The following ADGRL3 variants were observed in gnomAD, a reference collection of about 807,000 sequenced individuals.
ADGRL3 encodes adhesion G protein-coupled receptor L3, also known as calcium-independent alpha-latrotoxin receptor 3.
In ADGRL3, 62 loss-of-function variants were observed where a neutral mutation model predicts 153.5. That is an observed-to-expected ratio of 0.40 (90% CI 0.33 to 0.50). The LOEUF (loss-of-function observed/expected upper bound fraction) is 0.50. Ranked by LOEUF, ADGRL3 falls within the 20% of genes least tolerant of loss-of-function variation. The probability of loss-of-function intolerance (pLI) is 0.47; values close to 1 mark genes in which losing one functional copy is unlikely to be tolerated. For synonymous variants in ADGRL3, 710 were observed against 672.5 expected (o/e 1.06, Z -0.86); for missense variants, 1,641 against 1,859.4 (o/e 0.88, Z 2.16).
At chr4:61,453,128 A>G (rs1251383886) in intron 2 of ADGRL3, among the ~76,000 whole-genome samples, 1 of 152,148 alleles carries the variant, frequency 6.6e-6, no homozygotes, top group African/African-American at 2.4e-5. Flanking sequence ...AATGTGAAAC[A>G]TTTTGATTCC....
chr4:61,504,139 T>A (rs1243458510), intron 3 of ADGRL3, among the ~76,000 whole-genome samples: 1 of 152,096 alleles, frequency 6.6e-6, no homozygotes, highest in East Asian at 1.9e-4. Context: ...ACCACAGGCA[T>A]GCGCCACCAC....
At chr4:61,945,780 C>T (rs891832139) in intron 15 of ADGRL3, among the ~76,000 whole-genome samples, 5 of 151,810 alleles carry the variant, frequency 3.3e-5, no homozygotes, top group South Asian at 2.1e-4. Context: ...GGCAATGCCT[C>T]GCCCTGCTTC....
intron 6 of ADGRL3, among the ~76,000 whole-genome samples, chr4:61,694,630 G>C (rs1394118726): frequency 6.6e-6 from 1 of 152,126 alleles, no homozygotes; most frequent in Non-Finnish European, 1.5e-5. Context: ...ACTGATCAGG[G>C]TGGTAGTTGC....
intron 25 of ADGRL3, among the ~76,000 whole-genome samples, chr4:62,060,778 A>G (rs1577720749): frequency 6.6e-6 from 1 of 151,856 alleles, no homozygotes; most frequent in Admixed American, 6.6e-5. Context: ...ATAAAATACC[A>G]TATATTTGAT....
chr4:61,939,996 T>C, intron 15 of ADGRL3, among the ~76,000 whole-genome samples: 1 of 149,290 alleles, frequency 6.7e-6, no homozygotes, highest in South Asian at 2.2e-4. Flanking sequence ...TAGTTACATA[T>C]GTATACATGT....
rs771547597 is a variant in ADGRL3 at position 62,076,021 on chromosome 4, C to A, written c.*5113C>A. 1 of 152,120 alleles carries A rather than the reference C, an allele frequency of 6.6e-6. No homozygotes were observed. Among genetic ancestry groups the A allele is most frequent in the East Asian group, 1.9e-4 (1 of 5,186 alleles). 9.4% of individuals were successfully genotyped at this position (152,120 alleles called of 1,614,324 possible). ...AGGGAAACTTTCACCTGTACACATA[C>A]ACACTCTGATTCCATTTATTTACAG... On this transcript the variant is annotated 3_prime_UTR_variant, in exon 27 of 27. Coordinates refer to ENST00000683033, the MANE Select transcript of ADGRL3 (RefSeq NM_001387552.1).
chr4:61,231,682 C>T lies in ADGRL3; in HGVS notation c.-240+29917C>T, dbSNP rs558811699. On this transcript the variant is annotated intron_variant, in intron 1 of 26. Transcript: ENST00000683033. The stretch of plus-strand genomic sequence containing the variant: ...CAGTGCTTCTCAGGGCTTTTTGTAA[C>T]GGTCTATTTACTTGCTTTATTTCCC... 4.6e-5 allele frequency among the ~76,000 whole-genome samples: 7 copies of T among 152,084 alleles called. No individual in the cohort carries two copies. In the South Asian group the frequency reaches 6.2e-4, roughly 14 times the overall value.
At chr4:61,204,574 C>T (rs1736266504) in intron 1 of ADGRL3, among the ~76,000 whole-genome samples, 1 of 152,086 alleles carries the variant, frequency 6.6e-6, no homozygotes, top group Non-Finnish European at 1.5e-5. Context: ...GTGTATTGTG[C>T]TGTCTTTAGC....
At chr4:61,492,572 T>TA (rs1253030565) in intron 2 of ADGRL3, among the ~76,000 whole-genome samples, 2 of 151,892 alleles carry the variant, frequency 1.3e-5, no homozygotes, top group Admixed American at 6.6e-5. Context: ...AAGAGAATAT[T>TA]AAAAAATAAA....
intron 8 of ADGRL3, among the ~76,000 whole-genome samples, chr4:61,784,727 A>G (rs753538786): frequency 6.6e-6 from 1 of 152,110 alleles, no homozygotes; most frequent in Non-Finnish European, 1.5e-5. Context: ...AAGAATGTCA[A>G]AATGTGAGAG....
intron 19 of ADGRL3, among the ~76,000 whole-genome samples, chr4:61,986,007 A>G (rs1200177377): frequency 2.0e-5 from 3 of 151,126 alleles, no homozygotes; most frequent in Non-Finnish European, 4.4e-5. Context: ...TTTTTTAAAT[A>G]ACATCTTTGA....
At chr4:61,968,254 C>T (rs777461705) in intron 17 of ADGRL3, among the ~76,000 whole-genome samples, 75 of 152,246 alleles carry the variant, frequency 4.9e-4, no homozygotes, top group Admixed American at 1.3e-3. Context: ...TTTTTGAAAG[C>T]AGTCTTAAAT....
chr4:61,410,998 C>G (rs1261893701), intron 2 of ADGRL3, among the ~76,000 whole-genome samples: 5 of 152,096 alleles, frequency 3.3e-5, no homozygotes, highest in Admixed American at 2.0e-4. Context: ...GCTTTACTTA[C>G]AAAACACAAA....
Position 61,294,951 on chromosome 4 carries a change from C to T in ADGRL3, c.-239-88173C>T, listed in dbSNP as rs550051332. On this transcript the variant is annotated intron_variant, in intron 1 of 26. Coordinates refer to ENST00000683033, the MANE Select transcript of ADGRL3 (RefSeq NM_001387552.1). ...CACACACACAGTAGTCCCCATTATT[C>T]GCGGTTTCACTTTCTGAGGTTTCAG... is the stretch of plus-strand genomic sequence containing the variant. 1.2e-3 allele frequency among the ~76,000 whole-genome samples: 188 copies of T among 151,630 alleles called. 1 individual carries two copies. The highest frequency in any genetic ancestry group is 1.7e-3 in the Non-Finnish European group (114 of 67,890).
At chr4:61,936,781 T>TACACACACACACACACACAC (rs71666904) in intron 15 of ADGRL3, among the ~76,000 whole-genome samples, 2,157 of 138,760 alleles carry the variant, frequency 0.016, 41 homozygotes, top group Middle Eastern at 0.05. Flanking sequence ...TACATATGCA[T>TACACACACACACACACACAC]ACACACACAC....
intron 5 of ADGRL3, among the ~76,000 whole-genome samples, chr4:61,663,917 T>C (rs2094695431): frequency 6.6e-6 from 1 of 152,188 alleles, no homozygotes; most frequent in East Asian, 1.9e-4. Flanking sequence ...CAATGTCTGC[T>C]CTTATTACAA....
chr4:61,545,876 AAAACAAACAAACAAAC>A (rs139949535), intron 4 of ADGRL3, among the ~76,000 whole-genome samples: 1 of 151,344 alleles, frequency 6.6e-6, no homozygotes, highest in Non-Finnish European at 1.5e-5. Flanking sequence ...TCTTATAACC[AAAACAAACAAACAAAC>A]AAACAAACAA....
intron 5 of ADGRL3, among the ~76,000 whole-genome samples, chr4:61,632,653 A>T (rs2150044698): frequency 6.6e-6 from 1 of 152,280 alleles, no homozygotes; most frequent in African/African-American, 2.4e-5. Flanking sequence ...GCCTTGTTAT[A>T]CCCACACAAC....
chr4:61,325,663 A>AT (rs887379471), intron 1 of ADGRL3, among the ~76,000 whole-genome samples: 12 of 152,034 alleles, frequency 7.9e-5, no homozygotes, highest in Non-Finnish European at 4.4e-5. Flanking sequence ...GCTTTATTTT[A>AT]TTTTTTTCTA....
Sources: allele counts gnomAD v4.1 joint callset (sites outside exome capture counted in the v4.1 genomes callset), GRCh38; gene constraint gnomAD v4.1.1; transcripts MANE v1.5; gene names NCBI Gene and HGNC (gene_info 2026-07-23, HGNC 2026-07-21).